The following CNTN6 variants were observed in gnomAD, a reference collection of about 807,000 sequenced individuals.
CNTN6 encodes the protein contactin 6.
Under a neutral mutation model 122.8 loss-of-function variants are expected in CNTN6, and 137 were observed. The observed-to-expected ratio is 1.12, with a 90% CI of 0.97 to 1.29. The LOEUF (loss-of-function observed/expected upper bound fraction) is 1.29. Ranked by LOEUF, CNTN6 falls within the 50% of genes most tolerant of loss-of-function variation. The pLI, the probability that CNTN6 is intolerant of heterozygous loss-of-function variation, is 0.00. For synonymous variants in CNTN6, 570 were observed against 426.0 expected, an observed-to-expected ratio of 1.34 and a Z score of -4.16; for missense variants, 1,634 against 1,223.4, an observed-to-expected ratio of 1.34 and a Z score of -5.01.
chr3:1,153,815 C>T (rs761968265), intron 2 of CNTN6, among the ~76,000 whole-genome samples: 2 of 152,198 alleles, frequency 1.3e-5, no homozygotes, highest in Non-Finnish European at 2.9e-5. Flanking sequence ...ATGTATCACA[C>T]AGCAAATCCA....
rs183354433 is a variant in CNTN6 at position 1,261,667 on chromosome 3, C to A, written c.359-16746C>A. On this transcript the variant is annotated intron_variant, in intron 4 of 22. Transcript: ENST00000446702. ...GTCCCCCAATGTGACAGGTAACTTC[C>A]TAAATGGGTTGAACAGATATATGGG... 6.6e-5 allele frequency among the ~76,000 whole-genome samples: 10 copies of A among 152,238 alleles called. No homozygotes were observed. In the East Asian group the frequency reaches 1.9e-3, roughly 29 times the overall value.
intron 19 of CNTN6, among the ~76,000 whole-genome samples, chr3:1,384,293 T>C (rs1248044402): frequency 6.6e-6 from 1 of 152,036 alleles, no homozygotes; most frequent in Non-Finnish European, 1.5e-5. Flanking sequence ...CAGTCATTTT[T>C]TTTTCCCTTG....
rs201154294 is a variant in CNTN6, at chr3:1,325,906, C to G, written c.1038C>G (p.Asn346Lys). Residue 346 changes from asparagine (N) to lysine (K), a missense_variant, in exon 9 of 23, where the codon AAC (asparagine) becomes AAG (lysine). Asn to Lys is a moderately conservative substitution (Grantham distance 94). Coordinates refer to ENST00000446702, the MANE Select transcript of CNTN6 (RefSeq NM_001289080.2). The part of the protein sequence containing the change: ...LWECKASGKP[N>K]PWYTWLKNGE... ...AATGTAAAGCTAGTGGAAAGCCAAA[C>G]CCTTGGTATACATGGTTAAAAAATG... The G allele has an allele frequency of 4.2e-5, 68 of 1,611,602 alleles. No homozygotes were observed. Among genetic ancestry groups the G allele is most frequent in the Non-Finnish European group, 5.7e-5 (67 of 1,178,620 alleles).
chr3:1,325,708 G>A, intron 8 of CNTN6, 107 bp from the exon 9 acceptor site: 1 of 1,163,636 alleles, frequency 8.6e-7, no homozygotes, highest in Non-Finnish European at 1.2e-6. Context: ...CAATCCAACT[G>A]GACCCAGTTA....
intron 1 of CNTN6, among the ~76,000 whole-genome samples, chr3:1,145,483 CAGAATT>C (rs10611230): frequency 0.42 from 63,875 of 151,308 alleles, 14,268 homozygotes; most frequent in African/African-American, 0.56. Context: ...AAGAAGGAGA[CAGAATT>C]ATTGGGTAAA....
At chr3:1,104,672 A>G (rs1203379768) in intron 1 of CNTN6, among the ~76,000 whole-genome samples, 1 of 152,112 alleles carries the variant, frequency 6.6e-6, no homozygotes, top group Non-Finnish European at 1.5e-5. Context: ...CAAAATTTGG[A>G]GAAGACAAAA....
intron 1 of CNTN6, among the ~76,000 whole-genome samples, chr3:1,098,675 A>T (rs924484254): frequency 6.7e-6 from 1 of 150,238 alleles, no homozygotes; most frequent in South Asian, 2.1e-4. Flanking sequence ...TTTTTTAAAG[A>T]TGGGCAGTTT....
At chr3:1,134,236 C>T (rs74950084) in intron 1 of CNTN6, among the ~76,000 whole-genome samples, 1,800 of 152,226 alleles carry the variant, frequency 0.012, 39 homozygotes, top group African/African-American at 0.04. Flanking sequence ...TTATACTTGT[C>T]GTTACTGAGT....
At chr3:1,306,038 G>T (rs1340884108) in intron 7 of CNTN6, among the ~76,000 whole-genome samples, 2 of 152,118 alleles carry the variant, frequency 1.3e-5, no homozygotes, top group Admixed American at 6.6e-5. Context: ...TTTAAATCAA[G>T]CTAGGCACAC....
At chr3:1,389,279 A>C (rs990722979) in intron 20 of CNTN6, among the ~76,000 whole-genome samples, 1 of 152,040 alleles carries the variant, frequency 6.6e-6, no homozygotes, top group Non-Finnish European at 1.5e-5. Flanking sequence ...AAAGAAAACA[A>C]TTTCAACCCA....
At chr3:1,274,634 T>G (rs1039038298) in intron 4 of CNTN6, among the ~76,000 whole-genome samples, 2 of 152,212 alleles carry the variant, frequency 1.3e-5, no homozygotes, top group Non-Finnish European at 2.9e-5. Flanking sequence ...GGAAGTAATG[T>G]AGTTAGCAGA....
chr3:1,358,381 A>G (rs1198678615), intron 12 of CNTN6, among the ~76,000 whole-genome samples: 2 of 151,918 alleles, frequency 1.3e-5, no homozygotes, highest in Non-Finnish European at 2.9e-5. Flanking sequence ...CTGACCGTAA[A>G]AGAAGCAATT....
rs748683857 is a variant in CNTN6 at position 1,372,282 on chromosome 3, A to AT, written c.1493-9dup. On this transcript the variant is annotated splice_polypyrimidine_tract_variant and intron_variant, in intron 12 of 22. Transcript: ENST00000446702. ...AGCATTTCATAAGCTTTAAAAAATA[A>AT]TTTTTTTTCTCAACAGAGAGAACTG... 5.9e-5 allele frequency: 93 copies of AT among 1,571,624 alleles called. No individual in the cohort carries two copies. The highest frequency in any genetic ancestry group is 8.2e-5 in the African/African-American group (6 of 72,798).
intron 12 of CNTN6, among the ~76,000 whole-genome samples, chr3:1,364,564 T>C (rs930785520): frequency 2.0e-5 from 3 of 151,926 alleles, no homozygotes; most frequent in Admixed American, 1.3e-4. Flanking sequence ...AGATGAATTA[T>C]ACATTTAACT....
At chr3:1,388,868 GA>G (rs1560011022) in intron 20 of CNTN6, among the ~76,000 whole-genome samples, 1 of 141,246 alleles carries the variant, frequency 7.1e-6, no homozygotes, top group African/African-American at 2.7e-5. Context: ...AGAGAAAAAA[GA>G]ATAAAAAGAA....
chr3:1,144,742 G>T (rs563091586), intron 1 of CNTN6, among the ~76,000 whole-genome samples: 1 of 152,058 alleles, frequency 6.6e-6, no homozygotes, highest in Non-Finnish European at 1.5e-5. Context: ...TACGGTACTG[G>T]GTATGATTCT....
At chr3:1,279,353 G>A (rs1019048201) in intron 5 of CNTN6, among the ~76,000 whole-genome samples, 1 of 137,704 alleles carries the variant, frequency 7.3e-6, no homozygotes, top group Non-Finnish European at 1.5e-5. Context: ...AACATCCATG[G>A]AGTCATTTGG....
intron 1 of CNTN6, among the ~76,000 whole-genome samples, chr3:1,139,764 A>T (rs950523082): frequency 1.4e-4 from 21 of 152,180 alleles, no homozygotes; most frequent in Admixed American, 1.4e-3. Context: ...TGACTTACAG[A>T]AATAGAAAGC....
chr3:1,172,544 C>T (rs572139688), intron 2 of CNTN6, among the ~76,000 whole-genome samples: 3 of 152,126 alleles, frequency 2.0e-5, no homozygotes, highest in Middle Eastern at 3.4e-3. Flanking sequence ...CAGATTGTTC[C>T]GCCCACTTTA....
Sources: allele counts gnomAD v4.1 joint callset (sites outside exome capture counted in the v4.1 genomes callset), GRCh38; gene constraint gnomAD v4.1.1; transcripts MANE v1.5; gene names NCBI Gene and HGNC (gene_info 2026-07-23, HGNC 2026-07-21).